Variants in RIPOR2 observed in about 807,000 individuals in gnomAD.
RIPOR2 encodes rho family-interacting cell polarization regulator 2.
RIPOR2 carries 39 observed loss-of-function variants against 114.5 expected under a neutral mutation model. That is an observed-to-expected ratio of 0.34 (90% CI 0.26 to 0.44). The LOEUF (loss-of-function observed/expected upper bound fraction) is 0.44, where lower values mean the gene tolerates loss of function less well. RIPOR2 is among the 20% of genes least tolerant of loss of function. The probability of loss-of-function intolerance (pLI) is 1.00; values close to 1 mark genes in which losing one functional copy is unlikely to be tolerated. For missense variants in RIPOR2, 1,007 were observed against 1,255.1 expected (o/e 0.80, Z 2.99); for synonymous variants, 445 against 484.4 (o/e 0.92, Z 1.07).
intron 20 of RIPOR2, among the ~76,000 whole-genome samples, chr6:24,811,005 A>C (rs1276836097): frequency 6.6e-6 from 1 of 151,154 alleles, no homozygotes. Flanking sequence ...AGGTTTCACC[A>C]TGTTGGCCAG....
intron 1 of RIPOR2, among the ~76,000 whole-genome samples, chr6:24,934,872 C>T (rs1289478537): frequency 6.6e-6 from 1 of 152,120 alleles, no homozygotes; most frequent in Non-Finnish European, 1.5e-5. Flanking sequence ...CATGGAAAAG[C>T]TGCAAGATGA....
chr6:24,956,913 A>T (rs533001403), intron 1 of RIPOR2, among the ~76,000 whole-genome samples: 1 of 152,290 alleles, frequency 6.6e-6, no homozygotes, highest in South Asian at 2.1e-4. Flanking sequence ...GTGGATTCTC[A>T]CTTCAGGTTT....
intron 1 of RIPOR2, among the ~76,000 whole-genome samples, chr6:24,917,582 T>A (rs978844271): frequency 6.6e-5 from 10 of 151,988 alleles, no homozygotes; most frequent in African/African-American, 2.4e-4. Flanking sequence ...CAGGCTGGAG[T>A]GCAATGGCGC....
At chr6:24,880,141 C>G (rs1424720979) in intron 1 of RIPOR2, among the ~76,000 whole-genome samples, 1 of 152,156 alleles carries the variant, frequency 6.6e-6, no homozygotes, top group Non-Finnish European at 1.5e-5. Flanking sequence ...GATAGCTCCT[C>G]TAGGGAAATA....
intron 20 of RIPOR2, among the ~76,000 whole-genome samples, chr6:24,817,978 C>CTCTTTTTTTTTTT (rs140745822): frequency 8.4e-6 from 1 of 118,364 alleles, no homozygotes; most frequent in African/African-American, 3.1e-5. Context: ...CTCTCTCTCT[C>CTCTTTTTTTTTTT]TTTTTTTTTG....
chr6:24,924,962 A>C (rs1486574707), intron 1 of RIPOR2, among the ~76,000 whole-genome samples: 1 of 152,262 alleles, frequency 6.6e-6, no homozygotes, highest in Non-Finnish European at 1.5e-5. Context: ...AAAATTCAAA[A>C]TATAATTGAG....
chr6:25,020,880 G>A (rs146205640), intron 1 of RIPOR2, among the ~76,000 whole-genome samples: 1,988 of 151,780 alleles, frequency 0.013, 30 homozygotes, highest in East Asian at 0.042. Flanking sequence ...TTTTTTAGAC[G>A]GAGTCTCTCT....
At chr6:24,840,192 C>T (rs1300462702) in intron 13 of RIPOR2, 2 of 971,910 alleles carry the variant, frequency 2.1e-6, no homozygotes, top group African/African-American at 3.5e-5. Flanking sequence ...CTCCAGCAAT[C>T]CTGGGCTTCC....
chr6:24,977,661 G>A (rs7747678), intron 1 of RIPOR2, among the ~76,000 whole-genome samples: 4,482 of 152,180 alleles, frequency 0.029, 214 homozygotes, highest in African/African-American at 0.098. Flanking sequence ...TCCCGTCACT[G>A]GCCCATCAGT....
chr6:24,854,651 T>C (rs1484789272), intron 8 of RIPOR2, among the ~76,000 whole-genome samples: 1 of 152,176 alleles, frequency 6.6e-6, no homozygotes, highest in African/African-American at 2.4e-5. Context: ...ACCAAAATAA[T>C]TTCATAAAAA....
intron 1 of RIPOR2, among the ~76,000 whole-genome samples, chr6:25,006,874 A>T (rs1323818755): frequency 6.6e-6 from 1 of 152,238 alleles, no homozygotes; most frequent in Non-Finnish European, 1.5e-5. Flanking sequence ...GGGGAAAAAC[A>T]AACAAACTGT....
At chr6:24,898,163 T>TATC (rs924233234) in intron 1 of RIPOR2, among the ~76,000 whole-genome samples, 34 of 152,250 alleles carry the variant, frequency 2.2e-4, no homozygotes, top group Admixed American at 9.8e-4. Context: ...ATCCTATTAT[T>TATC]ATCATCATCA....
At chr6:24,984,455 A>G (rs1398429561) in intron 1 of RIPOR2, among the ~76,000 whole-genome samples, 3 of 152,200 alleles carry the variant, frequency 2.0e-5, no homozygotes, top group Admixed American at 6.5e-5. Flanking sequence ...CATTAGACAA[A>G]TTACTCACAA....
chr6:24,862,347 G>T (rs540313295), intron 7 of RIPOR2, among the ~76,000 whole-genome samples: 1 of 152,326 alleles, frequency 6.6e-6, no homozygotes, highest in East Asian at 1.9e-4. Flanking sequence ...GGGTTCGAGG[G>T]TGGCCTCACT....
At chr6:24,939,640 G>C (rs995812671), upstream of RIPOR2, among the ~76,000 whole-genome samples, 4 of 152,128 alleles carry the variant, frequency 2.6e-5, no homozygotes, top group South Asian at 2.1e-4. Flanking sequence ...ACTAAAGATA[G>C]GGAAATTCAG....
chr6:24,944,025 A>C (rs386511), intron 1 of RIPOR2, among the ~76,000 whole-genome samples: 26,412 of 152,194 alleles, frequency 0.17, 2,464 homozygotes, highest in East Asian at 0.34. Context: ...AATAGGCTTA[A>C]CAAAAAGCTT....
rs1327117674 is a variant in RIPOR2, at chr6:24,865,417, G to T, written c.535C>A (p.Arg179=). The T allele has an allele frequency of 6.2e-7, 1 of 1,612,904 alleles. No individual in the cohort carries two copies. Residue 179 remains arginine, a synonymous_variant, in exon 7 of 22, where the codon CGA becomes AGA. Transcript: ENST00000643898. ...DELYEAYCIQ[R]RLQDGASKMK... is the part of the protein sequence containing the mutation. ...TTGCTGGCACCATCCTGGAGGCGTC[G>T]CTGGATACAATAAGCTTCATAGAGT...
At chr6:24,956,944 G>A (rs1581872223) in intron 1 of RIPOR2, among the ~76,000 whole-genome samples, 1 of 152,302 alleles carries the variant, frequency 6.6e-6, no homozygotes, top group Admixed American at 6.5e-5. Flanking sequence ...GTTAACAAAT[G>A]ATCCAAGTTT....
At chr6:25,004,625 C>T (rs1264120873) in intron 1 of RIPOR2, among the ~76,000 whole-genome samples, 1 of 152,138 alleles carries the variant, frequency 6.6e-6, no homozygotes, top group East Asian at 1.9e-4. Flanking sequence ...CAGAGAGATC[C>T]CATTATGCAA....
Sources: allele counts gnomAD v4.1 joint callset (sites outside exome capture counted in the v4.1 genomes callset), GRCh38; gene constraint gnomAD v4.1.1; transcripts MANE v1.5; gene names NCBI Gene and HGNC (gene_info 2026-07-23, HGNC 2026-07-21).